BTBD9: variants seen among roughly 807,000 people sequenced by gnomAD.
BTBD9 encodes BTB/POZ domain-containing protein 9.
Under a neutral mutation model 64.3 loss-of-function variants are expected in BTBD9, and 49 were observed. The observed-to-expected ratio is 0.76, with a 90% CI of 0.61 to 0.97. The LOEUF is 0.97. Ranked by LOEUF, BTBD9 falls within the 50% of genes least tolerant of loss-of-function variation. The pLI, the probability that BTBD9 is intolerant of heterozygous loss-of-function variation, is 0.00. For missense variants in BTBD9, 598 were observed against 762.1 expected (o/e 0.78, Z 2.53); for synonymous variants, 260 against 274.7 (o/e 0.95, Z 0.53).
chr6:38,320,289 A>T (rs867165297), intron 7 of BTBD9, among the ~76,000 whole-genome samples: 3 of 152,260 alleles, frequency 2.0e-5, no homozygotes, highest in Middle Eastern at 3.4e-3. Context: ...GACACTTGTC[A>T]AATTTGGTGT....
At chr6:38,348,897 G>C (rs1764390266) in intron 6 of BTBD9, among the ~76,000 whole-genome samples, 1 of 152,038 alleles carries the variant, frequency 6.6e-6, no homozygotes, top group Admixed American at 6.6e-5. Flanking sequence ...GTCACTTAAG[G>C]GAAAAAAATA....
chr6:38,606,455 A>G (rs985742889), intron 1 of BTBD9, among the ~76,000 whole-genome samples: 6 of 152,214 alleles, frequency 3.9e-5, no homozygotes, highest in African/African-American at 1.4e-4. Flanking sequence ...CAACTTTACT[A>G]CTTACTGGTA....
intron 9 of BTBD9, among the ~76,000 whole-genome samples, chr6:38,220,047 T>C (rs185481704): frequency 6.6e-6 from 1 of 152,312 alleles, no homozygotes; most frequent in African/African-American, 2.4e-5. Context: ...ATCAAGATAA[T>C]GAAAAAGTGC....
intron 6 of BTBD9, among the ~76,000 whole-genome samples, chr6:38,526,858 A>G (rs1043199950): frequency 6.6e-6 from 1 of 152,226 alleles, no homozygotes; most frequent in Non-Finnish European, 1.5e-5. Context: ...TTATAAGCTC[A>G]TGGGCAGAAG....
At chr6:38,520,715 T>C (rs1582567546) in intron 6 of BTBD9, among the ~76,000 whole-genome samples, 1 of 151,890 alleles carries the variant, frequency 6.6e-6, no homozygotes, top group Non-Finnish European at 1.5e-5. Flanking sequence ...GGAGGAGCGC[T>C]TTAGCTCAAG....
intron 1 of BTBD9, among the ~76,000 whole-genome samples, chr6:38,636,932 C>G (rs189933880): frequency 9.5e-4 from 145 of 152,260 alleles, no homozygotes; most frequent in African/African-American, 3.3e-3. Context: ...CAGCCCTCTC[C>G]CCTCTCTTGC....
At chr6:38,215,783 G>A (rs1762991268) in intron 9 of BTBD9, among the ~76,000 whole-genome samples, 1 of 152,174 alleles carries the variant, frequency 6.6e-6, no homozygotes. Flanking sequence ...AATTTCAGCT[G>A]TTTTATCATT....
chr6:38,171,072 G>A lies in BTBD9; in HGVS notation c.*3913C>T, dbSNP rs556666668. ...CTTAATTGAAGTCTGTGAGGGGAGC[G>A]CTCCATCTCTTTATCACCAAGTGGC... is the stretch of plus-strand genomic sequence containing the variant. On this transcript the variant is annotated 3_prime_UTR_variant, in exon 11 of 11. Transcript: ENST00000481247. 2.6e-5 allele frequency: 4 copies of A among 152,310 alleles called. No individual in the cohort carries two copies. Among genetic ancestry groups the A allele is most frequent in the South Asian group, 4.1e-4 (2 of 4,824 alleles). The allele number at this position is 152,310 out of a possible 1,614,324, so 9.4% of individuals were successfully genotyped here. A position where few individuals can be genotyped will look rare whatever the true frequency, so the allele number is the denominator to read the frequency against.
intron 7 of BTBD9, among the ~76,000 whole-genome samples, chr6:38,314,994 G>T (rs749840058): frequency 1.3e-5 from 2 of 151,982 alleles, no homozygotes; most frequent in Non-Finnish European, 1.5e-5. Flanking sequence ...GACTACAGGC[G>T]CCCGCCACCA....
intron 6 of BTBD9, among the ~76,000 whole-genome samples, chr6:38,433,516 A>G (rs956204860): frequency 2.0e-5 from 3 of 151,636 alleles, no homozygotes; most frequent in Non-Finnish European, 4.4e-5. Flanking sequence ...AACCTCCCCA[A>G]CTGAGCACCT....
intron 1 of BTBD9, among the ~76,000 whole-genome samples, chr6:38,612,170 C>T (rs894176073): frequency 6.6e-6 from 1 of 152,154 alleles, no homozygotes; most frequent in African/African-American, 2.4e-5. Flanking sequence ...TCTTTCTACA[C>T]TTCTATGTTA....
chr6:38,379,995 A>T (rs532825644), intron 6 of BTBD9, among the ~76,000 whole-genome samples: 14 of 152,176 alleles, frequency 9.2e-5, no homozygotes, highest in Non-Finnish European at 1.5e-4. Flanking sequence ...AGAAAGAGCT[A>T]AAAGAGTGGT....
chr6:38,418,802 G>A (rs1022362626), intron 6 of BTBD9, among the ~76,000 whole-genome samples: 4 of 152,110 alleles, frequency 2.6e-5, no homozygotes, highest in African/African-American at 9.7e-5. Context: ...TATCACCTTG[G>A]ATGAGAATGC....
chr6:38,407,867 G>C (rs1013933513), intron 6 of BTBD9, among the ~76,000 whole-genome samples: 1 of 152,132 alleles, frequency 6.6e-6, no homozygotes, highest in Non-Finnish European at 1.5e-5. Flanking sequence ...TTTCCATCCA[G>C]ATAAATTCAA....
rs186963500 is a variant in BTBD9, at chr6:38,199,881, A to G, written c.1563-7284T>C. 1.5e-3 allele frequency among the ~76,000 whole-genome samples: 223 copies of G among 152,368 alleles called. 1 individual carries two copies. The highest frequency in any genetic ancestry group is 5.0e-3 in the African/African-American group (210 of 41,598). On this transcript the variant is annotated intron_variant, in intron 9 of 10. Transcript: ENST00000481247. Reference sequence around the variant, plus strand: ...ACATTTAAAGGGGAATGGGGGCAAGAAAAGCCTGGGCTGCTGCCCCTAAAC... The same window carrying G: ...ACATTTAAAGGGGAATGGGGGCAAGGAAAGCCTGGGCTGCTGCCCCTAAAC...
intron 1 of BTBD9, among the ~76,000 whole-genome samples, chr6:38,623,031 C>T (rs1428139141): frequency 6.6e-6 from 1 of 152,190 alleles, no homozygotes; most frequent in East Asian, 1.9e-4. Context: ...ACTCAGTTTG[C>T]TCCCAACACC....
chr6:38,625,283 T>C (rs1255520972), intron 1 of BTBD9, among the ~76,000 whole-genome samples: 1 of 152,202 alleles, frequency 6.6e-6, no homozygotes, highest in African/African-American at 2.4e-5. Flanking sequence ...TTTACGATAA[T>C]ATAATAATGT....
chr6:38,234,434 T>G (rs1763711733), intron 9 of BTBD9, among the ~76,000 whole-genome samples: 1 of 152,216 alleles, frequency 6.6e-6, no homozygotes, highest in Non-Finnish European at 1.5e-5. Flanking sequence ...AAGGGTTGGC[T>G]CGACCCCACA....
At chr6:38,225,302 A>T (rs1384720068) in intron 9 of BTBD9, among the ~76,000 whole-genome samples, 1 of 152,218 alleles carries the variant, frequency 6.6e-6, no homozygotes, top group Non-Finnish European at 1.5e-5. Flanking sequence ...AGAGGCTCTG[A>T]GATTCACTTG....
Sources: gnomAD v4.1 joint callset for allele counts (sites outside exome capture counted in the v4.1 genomes callset) on GRCh38, gnomAD v4.1.1 for gene constraint, MANE v1.5 for transcripts, NCBI Gene and HGNC (gene_info 2026-07-23, HGNC 2026-07-21) for gene names.